GOLM1: variants seen among roughly 807,000 people sequenced by gnomAD.
GOLM1 encodes epididymis luminal protein 46.
GOLM1 carries 31 observed loss-of-function variants against 50.5 expected under a neutral mutation model. The ratio of observed to expected loss-of-function variants is 0.61; its 90% CI spans 0.46 to 0.83. GOLM1 has a LOEUF of 0.83. Ranked by LOEUF, GOLM1 falls within the 40% of genes least tolerant of loss-of-function variation. GOLM1 has a pLI of 0.00. For synonymous variants in GOLM1, 178 were observed against 192.8 expected, an observed-to-expected ratio of 0.92 and a Z score of 0.64; for missense variants, 491 against 501.3, an observed-to-expected ratio of 0.98 and a Z score of 0.20.
chr9:86,099,277 C>T (rs960397496), intron 1 of GOLM1, 134 bp downstream of exon 1: 12 of 152,278 alleles, frequency 7.9e-5, no homozygotes, highest in Admixed American at 7.2e-4. Flanking sequence ...AGGTTGCAGC[C>T]CCGGCGCAAG....
At position 86,036,344 on chromosome 9, in the gene GOLM1, T is replaced by C. The variant is rs1169517250; in HGVS notation, c.757+4A>G. The C allele has an allele frequency of 2.5e-6, 4 of 1,614,192 alleles. No individual in the cohort carries two copies. Among genetic ancestry groups the C allele is most frequent in the Non-Finnish European group, 3.4e-6 (4 of 1,180,008 alleles). ...GAACAGGGCAACTGCTGGGCTCTGC[T>C]TACCTTTCTCAACTTGTCTCTTTGA... On this transcript the variant is annotated splice_donor_region_variant and intron_variant, in intron 7 of 9. Transcript: ENST00000388712.
At chr9:86,083,222 C>T (rs1490353060) in intron 1 of GOLM1, among the ~76,000 whole-genome samples, 1 of 152,198 alleles carries the variant, frequency 6.6e-6, no homozygotes, top group Non-Finnish European at 1.5e-5. Context: ...GAATCCAACC[C>T]AGGCACATCC....
intron 3 of GOLM1, among the ~76,000 whole-genome samples, chr9:86,066,477 A>G (rs1218684755): frequency 6.6e-6 from 1 of 152,106 alleles, no homozygotes; most frequent in Non-Finnish European, 1.5e-5. Flanking sequence ...CTGTTCTTCC[A>G]CTCAGCAATC....
chr9:86,054,517 C>A (rs369635471), intron 3 of GOLM1, among the ~76,000 whole-genome samples: 1 of 152,158 alleles, frequency 6.6e-6, no homozygotes, highest in Non-Finnish European at 1.5e-5. Flanking sequence ...AGCCACTGCG[C>A]CCGGCCTCAT....
In GOLM1 at chr9:86,060,365, T is replaced by C. The variant is rs752558230; in HGVS notation, c.310-7774A>G. ...CAGAGACTTGCAAACAAGTCATTTA[T>C]GGCATCCTGCTAAGATTACACACTC... On this transcript the variant is annotated intron_variant, in intron 3 of 9. Transcript: ENST00000388712. Among the ~76,000 whole-genome samples the C allele has an allele frequency of 5.1e-4, 78 of 152,044 alleles. 1 individual carries two copies. Among genetic ancestry groups the C allele is most frequent in the Admixed American group, 9.2e-4 (14 of 15,246 alleles).
At position 86,027,784 on chromosome 9, in the gene GOLM1, G is replaced by T; in HGVS notation, c.*33C>A. Reference sequence around the variant, plus strand: ...TGAACATTTTATAGTCATCTCTTCGGCCCTGTTGTGAAATATGTGATTCCA... The same window carrying T: ...TGAACATTTTATAGTCATCTCTTCGTCCCTGTTGTGAAATATGTGATTCCA... On this transcript the variant is annotated 3_prime_UTR_variant, in exon 10 of 10. Transcript: ENST00000388712. 1 of 1,605,738 alleles carries T rather than the reference G, an allele frequency of 6.2e-7. No individual in the cohort carries two copies. Among genetic ancestry groups the T allele is most frequent in the Non-Finnish European group, 8.5e-7 (1 of 1,175,478 alleles).
At chr9:86,093,242 T>C (rs1292105143) in intron 1 of GOLM1, among the ~76,000 whole-genome samples, 1 of 151,926 alleles carries the variant, frequency 6.6e-6, no homozygotes. Context: ...CTGGGCATGG[T>C]GGTGTGTGCC....
intron 3 of GOLM1, among the ~76,000 whole-genome samples, chr9:86,073,474 G>A (rs1210115964): frequency 3.3e-5 from 5 of 152,172 alleles, no homozygotes; most frequent in Non-Finnish European, 4.4e-5. Flanking sequence ...GATTTGATAA[G>A]CTGAACAGAT....
intron 9 of GOLM1, among the ~76,000 whole-genome samples, chr9:86,028,736 C>G (rs1293590736): frequency 6.6e-6 from 1 of 152,210 alleles, no homozygotes; most frequent in African/African-American, 2.4e-5. Flanking sequence ...AACCCATCCT[C>G]CCCACAACCT....
chr9:86,040,595 C>G (rs148498185), intron 6 of GOLM1, 144 bp downstream of exon 6: 1 of 698,586 alleles, frequency 1.4e-6, no homozygotes, highest in East Asian at 2.7e-5. Context: ...ATCCCAGTAC[C>G]AGGTTCTGCT....
intron 1 of GOLM1, among the ~76,000 whole-genome samples, chr9:86,089,695 G>A (rs1835110887): frequency 6.6e-6 from 1 of 152,022 alleles, no homozygotes; most frequent in African/African-American, 2.4e-5. Context: ...CTTGCATTGG[G>A]TTAGAACATG....
In GOLM1 at chr9:86,027,032, T is replaced by G. The variant is rs572448666; in HGVS notation, c.*785A>C. 1.0e-6 allele frequency: 1 copy of G among 985,334 alleles called. No individual in the cohort carries two copies. The highest frequency in any genetic ancestry group is 1.1e-4 in the East Asian group (1 of 8,810). The allele number at this position is 985,334 out of a possible 1,614,324, so 61.0% of individuals were successfully genotyped here. ...CAGGTCAGCCCCCTTTTGGCCTGTT[T>G]GTTTTGTCAAAAACCTAATCTGCTT... On this transcript the variant is annotated 3_prime_UTR_variant, in exon 10 of 10. Coordinates refer to ENST00000388712, the MANE Select transcript of GOLM1 (RefSeq NM_016548.4).
At position 86,077,533 on chromosome 9, in the gene GOLM1, AC is replaced by A. The variant is rs1272772017; in HGVS notation, c.187del (p.Val63TrpfsTer3). On this transcript the variant is annotated frameshift_variant, in exon 3 of 10. Transcript: ENST00000388712. LOFTEE classifies it high-confidence loss of function. Reference sequence around the variant, plus strand: ...CTGGAACTCGTTCTTCTTCAGCTCCACGGCGCCTCTCTCTGCAGCCGCCCTG... The same window carrying A: ...CTGGAACTCGTTCTTCTTCAGCTCCAGGCGCCTCTCTCTGCAGCCGCCCTG... ...VRRAAAERGA[V>X]ELKKNEFQGE... The A allele has an allele frequency of 1.9e-6, 3 of 1,613,436 alleles. No homozygotes were observed. The highest frequency in any genetic ancestry group is 2.5e-6 in the Non-Finnish European group (3 of 1,179,440).
chr9:86,075,394 A>G (rs995187269), intron 3 of GOLM1, among the ~76,000 whole-genome samples: 1 of 152,206 alleles, frequency 6.6e-6, no homozygotes, highest in Non-Finnish European at 1.5e-5. Context: ...TAGGTGTAAT[A>G]ATACCAACCA....
chr9:86,044,343 T>G (rs1377472768), intron 5 of GOLM1, among the ~76,000 whole-genome samples: 1 of 152,194 alleles, frequency 6.6e-6, no homozygotes, highest in Non-Finnish European at 1.5e-5. Context: ...GGGCTTCATG[T>G]TTTCAGTTGT....
chr9:86,095,443 T>C (rs1005220197), intron 1 of GOLM1, among the ~76,000 whole-genome samples: 1 of 151,286 alleles, frequency 6.6e-6, no homozygotes, highest in African/African-American at 2.4e-5. Context: ...AGATGGGGTT[T>C]CACCATGTTG....
chr9:86,055,789 AG>A (rs1478990761), intron 3 of GOLM1, among the ~76,000 whole-genome samples: 6 of 152,106 alleles, frequency 3.9e-5, no homozygotes, highest in Non-Finnish European at 8.8e-5. Flanking sequence ...GGGATAGGAG[AG>A]GGGGGAGGGA....
intron 5 of GOLM1, among the ~76,000 whole-genome samples, chr9:86,044,253 T>A: frequency 6.6e-6 from 1 of 152,214 alleles, no homozygotes; most frequent in East Asian, 1.9e-4. Flanking sequence ...CATAGCTGAA[T>A]AAGATTCCAC....
intron 9 of GOLM1, among the ~76,000 whole-genome samples, chr9:86,030,478 T>C (rs1164372847): frequency 6.6e-6 from 1 of 152,142 alleles, no homozygotes; most frequent in African/African-American, 2.4e-5. Context: ...TGGAGAAATA[T>C]AAAAGATAAT....
Sources: allele counts gnomAD v4.1 joint callset (sites outside exome capture counted in the v4.1 genomes callset), GRCh38; gene constraint gnomAD v4.1.1; transcripts MANE v1.5; gene names NCBI Gene and HGNC (gene_info 2026-07-23, HGNC 2026-07-21).